The following CRADD variants were observed in gnomAD, a reference collection of about 807,000 sequenced individuals.
CRADD encodes the protein CARD and death domain containing adaptor protein, also known as death domain-containing protein CRADD.
CRADD carries 9 observed loss-of-function variants against 15.5 expected under a neutral mutation model. The ratio of observed to expected loss-of-function variants is 0.58; its 90% CI spans 0.35 to 1.01. The LOEUF is 1.01. CRADD is among the 50% of genes least tolerant of loss of function. CRADD has a pLI of 0.02. For synonymous variants in CRADD, 118 were observed against 107.6 expected, an observed-to-expected ratio of 1.10 and a Z score of -0.60; for missense variants, 227 against 250.3, an observed-to-expected ratio of 0.91 and a Z score of 0.63.
chr12:93,851,249 C>T (rs557623057), downstream of CRADD, among the ~76,000 whole-genome samples: 19 of 152,226 alleles, frequency 1.2e-4, no homozygotes, highest in South Asian at 3.9e-3. Flanking sequence ...CAAGGTGGTT[C>T]ACCTCCTTCT....
intron 2 of CRADD, among the ~76,000 whole-genome samples, chr12:93,857,171 C>G (rs1309493669): frequency 1.3e-5 from 2 of 151,460 alleles, no homozygotes; most frequent in Admixed American, 1.3e-4. Flanking sequence ...TGGCAATACT[C>G]ATAATGTTTC....
At chr12:93,682,488 A>G (rs1390965500) in intron 2 of CRADD, among the ~76,000 whole-genome samples, 1 of 152,168 alleles carries the variant, frequency 6.6e-6, no homozygotes, top group East Asian at 1.9e-4. Flanking sequence ...TCTAAGAATG[A>G]ACTGATTTTA....
downstream of CRADD, among the ~76,000 whole-genome samples, chr12:93,851,653 G>A (rs553576808): frequency 3.3e-5 from 5 of 152,306 alleles, no homozygotes; most frequent in East Asian, 7.7e-4. Flanking sequence ...GGGCACTGTG[G>A]GAGGAGCTAC....
chr12:93,869,303 A>G (rs1317492151), intron 2 of CRADD, among the ~76,000 whole-genome samples: 1 of 152,190 alleles, frequency 6.6e-6, no homozygotes, highest in Admixed American at 6.5e-5. Context: ...AACAAAACCA[A>G]ATACTCATCT....
At chr12:93,762,592 C>T (rs887117555) in intron 2 of CRADD, among the ~76,000 whole-genome samples, 16 of 152,174 alleles carry the variant, frequency 1.1e-4, no homozygotes, top group East Asian at 7.7e-4. Context: ...CTTTATTTAC[C>T]GTTATGTGCT....
intron 2 of CRADD, among the ~76,000 whole-genome samples, chr12:93,771,522 A>G (rs952850632): frequency 6.6e-6 from 1 of 152,208 alleles, no homozygotes; most frequent in African/African-American, 2.4e-5. Context: ...TATTTACAAA[A>G]TATGTCTGTG....
At chr12:93,698,198 A>G (rs542711099) in intron 2 of CRADD, among the ~76,000 whole-genome samples, 1 of 152,100 alleles carries the variant, frequency 6.6e-6, no homozygotes, top group Non-Finnish European at 1.5e-5. Flanking sequence ...ATCTTGGGCC[A>G]GTGTGTCTTG....
At chr12:93,826,448 A>G (rs1957824977) in intron 2 of CRADD, among the ~76,000 whole-genome samples, 1 of 152,216 alleles carries the variant, frequency 6.6e-6, no homozygotes, top group Non-Finnish European at 1.5e-5. Flanking sequence ...CCTCGGAGAG[A>G]TGTCAGGATC....
intron 2 of CRADD, among the ~76,000 whole-genome samples, chr12:93,797,783 CA>C (rs1260738054): frequency 1.3e-5 from 2 of 152,142 alleles, no homozygotes; most frequent in South Asian, 2.1e-4. Context: ...ATATCAATAG[CA>C]ATATTAAAAA....
chr12:93,860,280 C>G (rs1958309230), intron 2 of CRADD, among the ~76,000 whole-genome samples: 1 of 152,126 alleles, frequency 6.6e-6, no homozygotes, highest in South Asian at 2.1e-4. Flanking sequence ...CTGACCAAAG[C>G]TAAACAACAG....
intron 2 of CRADD, among the ~76,000 whole-genome samples, chr12:93,788,336 G>A (rs1957304430): frequency 1.3e-5 from 2 of 152,128 alleles, no homozygotes. Flanking sequence ...GAACAGGATG[G>A]AGGAAACCAT....
At chr12:93,702,028 G>A (rs902960657) in intron 2 of CRADD, among the ~76,000 whole-genome samples, 12 of 151,682 alleles carry the variant, frequency 7.9e-5, no homozygotes, top group African/African-American at 2.9e-4. Flanking sequence ...ATAGATACCG[G>A]TAAACTTATC....
chr12:93,889,997 C>T (rs985897614), intron 2 of CRADD, among the ~76,000 whole-genome samples: 6 of 152,330 alleles, frequency 3.9e-5, no homozygotes, highest in South Asian at 2.1e-4. Context: ...AGCCAGCTTC[C>T]TCTTCCTCAC....
intron 2 of CRADD, among the ~76,000 whole-genome samples, chr12:93,743,201 T>G (rs756499294): frequency 5.3e-5 from 8 of 152,202 alleles, no homozygotes; most frequent in Non-Finnish European, 1.0e-4. Flanking sequence ...GAATCAGAAT[T>G]TTGGAGTTAC....
chr12:93,748,840 C>T (rs1285559109), intron 2 of CRADD, among the ~76,000 whole-genome samples: 1 of 152,196 alleles, frequency 6.6e-6, no homozygotes, highest in East Asian at 1.9e-4. Context: ...TTGGGGCTTA[C>T]CCAGAGCTGT....
chr12:93,885,694 G>T (rs376834420), intron 2 of CRADD, among the ~76,000 whole-genome samples: 3 of 152,120 alleles, frequency 2.0e-5, no homozygotes, highest in Non-Finnish European at 2.9e-5. Context: ...AATGAAATTT[G>T]CCACCCTCTC....
chr12:93,721,243 A>G (rs1218475460), intron 2 of CRADD, among the ~76,000 whole-genome samples: 2 of 151,944 alleles, frequency 1.3e-5, no homozygotes. Flanking sequence ...TTGTTTTTTT[A>G]AACTTTTTTA....
intron 2 of CRADD, among the ~76,000 whole-genome samples, chr12:93,729,557 C>G (rs542126247): frequency 1.3e-5 from 2 of 151,916 alleles, no homozygotes; most frequent in Non-Finnish European, 2.9e-5. Flanking sequence ...GAGGCCAAGG[C>G]GGGCAGATCA....
intron 2 of CRADD, among the ~76,000 whole-genome samples, chr12:93,808,080 T>C (rs1053267108): frequency 6.7e-6 from 1 of 148,960 alleles, no homozygotes; most frequent in Non-Finnish European, 1.5e-5. Context: ...AGGCCCCCAT[T>C]CAGTGGGTGT....
Sources: gnomAD v4.1 joint callset for allele counts (sites outside exome capture counted in the v4.1 genomes callset) on GRCh38, gnomAD v4.1.1 for gene constraint, MANE v1.5 for transcripts, NCBI Gene and HGNC (gene_info 2026-07-23, HGNC 2026-07-21) for gene names.